The following NCOA7 variants were observed in gnomAD, a reference collection of about 807,000 sequenced individuals.
The protein encoded by NCOA7 is nuclear receptor coactivator 7.
Under a neutral mutation model 104.3 loss-of-function variants are expected in NCOA7, and 45 were observed. That is an observed-to-expected ratio of 0.43 (90% CI 0.34 to 0.55). The LOEUF (loss-of-function observed/expected upper bound fraction) is 0.55. Ranked by LOEUF, NCOA7 falls within the 20% of genes least tolerant of loss-of-function variation. The pLI is 0.02. For synonymous variants in NCOA7, 398 were observed against 402.3 expected, an observed-to-expected ratio of 0.99 and a Z score of 0.13; for missense variants, 1,041 against 1,119.7, an observed-to-expected ratio of 0.93 and a Z score of 1.00.
At chr6:125,803,338 C>T (rs1025284269) in intron 1 of NCOA7, among the ~76,000 whole-genome samples, 3 of 152,108 alleles carry the variant, frequency 2.0e-5, no homozygotes, top group African/African-American at 7.2e-5. Context: ...TTATGTAAAT[C>T]TTATCTCCCT....
intron 1 of NCOA7, among the ~76,000 whole-genome samples, chr6:125,807,852 TCAGTCAA>T (rs1322288271): frequency 6.6e-6 from 1 of 152,212 alleles, no homozygotes; most frequent in Admixed American, 6.5e-5. Flanking sequence ...GGTTGGTCAG[TCAGTCAA>T]CACATACCTC....
At chr6:125,852,851 C>G (rs779189554) in intron 2 of NCOA7, among the ~76,000 whole-genome samples, 2 of 152,028 alleles carry the variant, frequency 1.3e-5, no homozygotes, top group Non-Finnish European at 2.9e-5. Context: ...AATGTGATGT[C>G]GGGTAATGTG....
At chr6:125,891,468 A>G (rs1404945188) in intron 10 of NCOA7, among the ~76,000 whole-genome samples, 1 of 152,190 alleles carries the variant, frequency 6.6e-6, no homozygotes, top group Non-Finnish European at 1.5e-5. Flanking sequence ...AAAACAATTA[A>G]TTGCTTTTAT....
At chr6:125,913,611 C>A in intron 10 of NCOA7, 2 of 969,280 alleles carry the variant, frequency 2.1e-6, no homozygotes, top group Non-Finnish European at 2.5e-6. Context: ...TACACTGATA[C>A]ACACCTTGTT....
At position 125,782,560 on chromosome 6, in the gene NCOA7, G is replaced by T. The variant is rs375937912; in HGVS notation, c.-142+1189G>T. Among the ~76,000 whole-genome samples, 36 of 152,260 alleles carry T rather than the reference G, an allele frequency of 2.4e-4. No homozygotes were observed. In the South Asian group the frequency reaches 7.5e-3, roughly 32 times the overall value. On this transcript the variant is annotated intron_variant, in intron 1 of 16. Transcript: ENST00000368357. Reference sequence around the variant, plus strand: ...TGCATTTAGTTGTCACGTATCTGTAGTCTCCTTCCTTTACTCTGGAACAGT... The same window carrying T: ...TGCATTTAGTTGTCACGTATCTGTATTCTCCTTCCTTTACTCTGGAACAGT...
Position 125,863,672 on chromosome 6 carries a change from G to C in NCOA7, c.271+8432G>C, listed in dbSNP as rs1005843859. Among the ~76,000 whole-genome samples the C allele has an allele frequency of 1.5e-4, 21 of 137,874 alleles. 5 individuals carry two copies. Among genetic ancestry groups the C allele is most frequent in the Admixed American group, 1.4e-3 (21 of 14,520 alleles). The allele number at this position is 137,874 out of a possible 152,430, so 90.5% of individuals were successfully genotyped here. On this transcript the variant is annotated intron_variant, in intron 3 of 15. Transcript: ENST00000392477. ...CCACAAAATACCATATAACTGAGTG[G>C]CTTATAAATAACAGAAATGTATTTC...
intron 2 of NCOA7, among the ~76,000 whole-genome samples, chr6:125,848,651 G>T (rs1448995373): frequency 1.3e-5 from 2 of 152,024 alleles, no homozygotes; most frequent in African/African-American, 2.4e-5. Flanking sequence ...AGCCTGTCGG[G>T]GGGTGGTGGT....
intron 1 of NCOA7, among the ~76,000 whole-genome samples, chr6:125,797,371 A>G (rs923068285): frequency 1.3e-5 from 2 of 152,202 alleles, no homozygotes; most frequent in African/African-American, 4.8e-5. Flanking sequence ...TTTGCTTTTG[A>G]TAGCTGATTA....
chr6:125,819,486 T>C (rs1219221788), intron 2 of NCOA7, among the ~76,000 whole-genome samples: 1 of 152,116 alleles, frequency 6.6e-6, no homozygotes, highest in Non-Finnish European at 1.5e-5. Flanking sequence ...TTCAGGATAG[T>C]TTTATAACAG....
At chr6:125,784,357 T>G (rs996793956) in intron 1 of NCOA7, among the ~76,000 whole-genome samples, 2 of 152,200 alleles carry the variant, frequency 1.3e-5, no homozygotes, top group African/African-American at 2.4e-5. Context: ...GCAATTATGG[T>G]ATAATAAGAG....
chr6:125,894,351 C>T (rs908044439), intron 10 of NCOA7, among the ~76,000 whole-genome samples: 4 of 152,050 alleles, frequency 2.6e-5, no homozygotes, highest in African/African-American at 9.7e-5. Context: ...GGCCTCTGTA[C>T]CATTCTGAAA....
intron 11 of NCOA7, among the ~76,000 whole-genome samples, chr6:125,918,898 A>G (rs937734278): frequency 6.6e-6 from 1 of 152,002 alleles, no homozygotes; most frequent in Non-Finnish European, 1.5e-5. Flanking sequence ...ACCAGGGATC[A>G]CACGTACCAT....
intron 3 of NCOA7, among the ~76,000 whole-genome samples, chr6:125,872,658 A>G (rs1783031678): frequency 6.6e-6 from 1 of 152,262 alleles, no homozygotes; most frequent in Admixed American, 6.5e-5. Flanking sequence ...GAAATTTTTC[A>G]GATTCTTTAG....
intron 2 of NCOA7, among the ~76,000 whole-genome samples, chr6:125,846,698 C>T (rs1780649782): frequency 6.6e-6 from 1 of 152,218 alleles, no homozygotes; most frequent in Non-Finnish European, 1.5e-5. Context: ...TATGCCATAG[C>T]CACATTTAGA....
intron 1 of NCOA7, among the ~76,000 whole-genome samples, chr6:125,801,922 C>T (rs1775926397): frequency 6.6e-6 from 1 of 152,126 alleles, no homozygotes; most frequent in African/African-American, 2.4e-5. Flanking sequence ...TATAATTTAA[C>T]CTATAACAGT....
intron 13 of NCOA7, 62 bp downstream of exon 13, chr6:125,922,896 G>A: frequency 3.3e-6 from 5 of 1,504,134 alleles, no homozygotes; most frequent in Non-Finnish European, 3.6e-6. Flanking sequence ...CCCAACAGTA[G>A]AGAGACTAGT....
chr6:125,848,771 A>C (rs1381352953), intron 2 of NCOA7, among the ~76,000 whole-genome samples: 2 of 152,218 alleles, frequency 1.3e-5, no homozygotes, highest in Non-Finnish European at 2.9e-5. Context: ...CATGTTGTGC[A>C]CAAGTACCCT....
chr6:125,918,090 G>T (rs1195727291), intron 11 of NCOA7, among the ~76,000 whole-genome samples: 3 of 152,138 alleles, frequency 2.0e-5, no homozygotes, highest in Non-Finnish European at 2.9e-5. Flanking sequence ...AGGAAAGATG[G>T]TTTTTGTTTG....
intron 3 of NCOA7, among the ~76,000 whole-genome samples, chr6:125,861,393 ACTT>A (rs1369828420): frequency 3.3e-5 from 5 of 152,216 alleles, no homozygotes; most frequent in African/African-American, 1.2e-4. Context: ...TGATAAATAA[ACTT>A]CTAAACATAA....
Sources: gnomAD v4.1 joint callset for allele counts (sites outside exome capture counted in the v4.1 genomes callset) on GRCh38, gnomAD v4.1.1 for gene constraint, MANE v1.5 for transcripts, NCBI Gene and HGNC (gene_info 2026-07-23, HGNC 2026-07-21) for gene names.